Variants in FERMT3 observed in about 807,000 individuals in gnomAD.
FERMT3 encodes fermitin family homolog 3.
In FERMT3, 33 loss-of-function variants were observed where a neutral mutation model predicts 80.8. The ratio of observed to expected loss-of-function variants is 0.41; its 90% CI spans 0.31 to 0.55. The LOEUF (loss-of-function observed/expected upper bound fraction) is 0.55, where lower values mean the gene tolerates loss of function less well. Ranked by LOEUF, FERMT3 falls within the 20% of genes least tolerant of loss-of-function variation. The pLI is 0.31. For missense variants in FERMT3, 754 were observed against 908.7 expected (o/e 0.83, Z 2.19); for synonymous variants, 375 against 372.2 (o/e 1.01, Z -0.09).
In FERMT3 at chr11:64,211,116, A is replaced by G; in HGVS notation, c.459A>G (p.Lys153=). The change falls in exon 4 of 15, where the codon AAA becomes AAG. Residue 153 remains lysine (K), a synonymous_variant. Coordinates refer to ENST00000345728, the MANE Select transcript of FERMT3 (RefSeq NM_031471.6). This position sits in a 1 kb window ranked among gnomAD's most constrained non-coding sequence, Gnocchi z 4.7. The part of the protein sequence containing the change: ...RAPEKKEKKK[K]EKEPEEELYD... ...CTGAGAAGAAGGAGAAGAAGAAGAA[A>G]GAGAAGGAGCCAGAGGAAGAGCTCT... The G allele has an allele frequency of 6.4e-7, 1 of 1,560,586 alleles. No individual in the cohort carries two copies. Among genetic ancestry groups the G allele is most frequent in the Non-Finnish European group, 8.7e-7 (1 of 1,152,322 alleles).
At position 64,211,809 on chromosome 11, in the gene FERMT3, G is replaced by T. The variant is rs1293142629; in HGVS notation, c.786+62G>T. 6.0e-6 allele frequency: 9 copies of T among 1,492,000 alleles called. No homozygotes were observed. The East Asian group carries it at 2.0e-4, about 34-fold the overall frequency. 92.4% of individuals were successfully genotyped at this position (1,492,000 alleles called of 1,614,324 possible). ...ATGAGATGTGGAGACCTAGGGCCTGGGGTATGGGCTCTGGGATGTTAGTGA... is the reference window on the plus strand; with the variant it reads ...ATGAGATGTGGAGACCTAGGGCCTGTGGTATGGGCTCTGGGATGTTAGTGA... On this transcript the variant is annotated intron_variant, in intron 6 of 14. Transcript: ENST00000345728. The surrounding 1 kb of genome is among the most constrained non-coding windows in gnomAD (Gnocchi z 4.7).
In FERMT3 at chr11:64,223,471, C is replaced by T. The variant is rs768969062; in HGVS notation, c.1971C>T (p.Thr657=). 9 of 1,610,760 alleles carry T rather than the reference C, an allele frequency of 5.6e-6. No homozygotes were observed. The highest frequency in any genetic ancestry group is 4.0e-5 in the African/African-American group (3 of 74,934). Residue 657 remains threonine, a synonymous_variant, in exon 15 of 15, where the codon ACC becomes ACT. Transcript: ENST00000345728. ...ATGAAGACCTCTTCCTGCAGCTCAC[C>T]GGGGGCCATGAGGCCTTCTGAGGGC... ...ELDEDLFLQL[T]GGHEAF
At position 64,223,112 on chromosome 11, in the gene FERMT3, T is replaced by C; in HGVS notation, c.1735T>C (p.Leu579=). Residue 579 remains leucine (L), a synonymous_variant, in exon 14 of 15, where the codon TTG becomes CTG. Coordinates refer to ENST00000345728, the MANE Select transcript of FERMT3 (RefSeq NM_031471.6). ...IANNRLIRID[L]AVGDVVKTWR... is the part of the protein sequence containing the mutation. ...CAACAACCGACTGATCCGCATCGACTTGGCCGTGGGCGACGTGGTCAAGAC... is the reference window on the plus strand; with the variant it reads ...CAACAACCGACTGATCCGCATCGACCTGGCCGTGGGCGACGTGGTCAAGAC... The C allele has an allele frequency of 1.2e-6, 2 of 1,613,952 alleles. No homozygotes were observed. The highest frequency in any genetic ancestry group is 1.7e-6 in the Non-Finnish European group (2 of 1,180,048).
At position 64,210,130 on chromosome 11, in the gene FERMT3, C is replaced by A. The variant is rs568720401; in HGVS notation, c.161-481C>A. Among the ~76,000 whole-genome samples the A allele has an allele frequency of 1.1e-4, 17 of 152,340 alleles. No homozygotes were observed. The highest frequency in any genetic ancestry group is 1.2e-4 in the Non-Finnish European group (8 of 68,036). On this transcript the variant is annotated intron_variant, in intron 2 of 14. Transcript: ENST00000345728. This position sits in a 1 kb window ranked among gnomAD's most constrained non-coding sequence, Gnocchi z 4.3. ...GTTAAGTGGCTTGTCCAAGGTCACA[C>A]AGCTAATAGCTAAAAATATTGAGTG...
Position 64,210,390 on chromosome 11 carries a change from G to C in FERMT3, c.161-221G>C, listed in dbSNP as rs1028139668. On this transcript the variant is annotated intron_variant, in intron 2 of 14. Transcript: ENST00000345728. This position sits in a 1 kb window ranked among gnomAD's most constrained non-coding sequence, Gnocchi z 4.3. ...GGGTTGGAGAGCTCCCCTGGGAAGC[G>C]ATATAGAAGCCAAGCCTAGAAGGCC... 6.6e-6 allele frequency among the ~76,000 whole-genome samples: 1 copy of C among 152,202 alleles called. No individual in the cohort carries two copies. Among genetic ancestry groups the C allele is most frequent in the Non-Finnish European group, 1.5e-5 (1 of 68,018 alleles).
At position 64,220,275 on chromosome 11, in the gene FERMT3, C is replaced by T. The variant is rs779788201; in HGVS notation, c.1260C>T (p.Leu420=). Reference sequence around the variant, plus strand: ...CCGGCCAGAAGTTCTGCATTAAACTCCTAGTGCCCTCCCCTGAGGGCATGA... The same window carrying T: ...CCGGCCAGAAGTTCTGCATTAAACTTCTAGTGCCCTCCCCTGAGGGCATGA... ...NVSGQKFCIK[L]LVPSPEGMSE... The change falls in exon 11 of 15, where the codon CTC becomes CTT. Residue 420 remains leucine, a synonymous_variant. Transcript: ENST00000345728. 11 of 1,613,984 alleles carry T rather than the reference C, an allele frequency of 6.8e-6. No homozygotes were observed. The highest frequency in any genetic ancestry group is 9.3e-6 in the Non-Finnish European group (11 of 1,180,012).
At chr11:64,209,148 A>G (rs1326063589) in intron 2 of FERMT3, among the ~76,000 whole-genome samples, 4 of 152,106 alleles carry the variant, frequency 2.6e-5, no homozygotes, top group Non-Finnish European at 5.9e-5. Flanking sequence ...GAGGTGGTGT[A>G]GGGAGCTGGT....
In FERMT3 at chr11:64,223,573, CACACCCGCTCCAGGCAG is replaced by C; in HGVS notation, c.*82_*98del. 6.7e-7 allele frequency: 1 copy of C among 1,486,570 alleles called. No individual in the cohort carries two copies. The highest frequency in any genetic ancestry group is 9.1e-7 in the Non-Finnish European group (1 of 1,099,840). 92.1% of individuals were successfully genotyped at this position (1,486,570 alleles called of 1,614,324 possible). A position where few individuals can be genotyped will look rare whatever the true frequency, so the allele number is the denominator to read the frequency against. On this transcript the variant is annotated 3_prime_UTR_variant, in exon 15 of 15. Transcript: ENST00000345728. Reference sequence around the variant, plus strand: ...CCACACCCACAGGGGCTCACTGCCCCACACCCGCTCCAGGCAGGCACCCAGCTGGGCATTTCACCTGC... The same window carrying C: ...CCACACCCACAGGGGCTCACTGCCCCGCACCCAGCTGGGCATTTCACCTGC...
Position 64,219,826 on chromosome 11 carries a change from G to GGGTT in FERMT3, c.1079+41_1079+44dup. On this transcript the variant is annotated intron_variant, in intron 9 of 14. Transcript: ENST00000345728. The surrounding 1 kb of genome is among the most constrained non-coding windows in gnomAD (Gnocchi z 4.0). ...GCCAGAGTAGGCAGCCCTGCTGGAG[G>GGGTT]GGTTGGTCTGCATATGGAGGGAGGG... 1 of 1,613,988 alleles carries GGGTT rather than the reference G, an allele frequency of 6.2e-7. No homozygotes were observed. Among genetic ancestry groups the GGGTT allele is most frequent in the Non-Finnish European group, 8.5e-7 (1 of 1,180,024 alleles).
upstream of FERMT3, among the ~76,000 whole-genome samples, chr11:64,206,262 C>T (rs577875946): frequency 6.6e-6 from 1 of 152,308 alleles, no homozygotes; most frequent in South Asian, 2.1e-4. Flanking sequence ...ACTTGTTTCC[C>T]TCTGGGGCCT....
Position 64,210,037 on chromosome 11 carries a change from G to C in FERMT3, c.161-574G>C, listed in dbSNP as rs947518501. 6.6e-6 allele frequency among the ~76,000 whole-genome samples: 1 copy of C among 152,210 alleles called. No individual in the cohort carries two copies. Among genetic ancestry groups the C allele is most frequent in the African/African-American group, 2.4e-5 (1 of 41,446 alleles). ...CAAACCCTGCAGCTACCACATGGGA[G>C]GCCTTGTTCCGTGTCCCAGTTTGTA... On this transcript the variant is annotated intron_variant, in intron 2 of 14. Transcript: ENST00000345728. The surrounding 1 kb of genome is among the most constrained non-coding windows in gnomAD (Gnocchi z 4.3).
Position 64,210,026 on chromosome 11 carries a change from A to G in FERMT3, c.161-585A>G, listed in dbSNP as rs1946401609. ...CAAGTTTGCTGCAAACCCTGCAGCT[A>G]CCACATGGGAGGCCTTGTTCCGTGT... On this transcript the variant is annotated intron_variant, in intron 2 of 14. Coordinates refer to ENST00000345728, the MANE Select transcript of FERMT3 (RefSeq NM_031471.6). This position sits in a 1 kb window ranked among gnomAD's most constrained non-coding sequence, Gnocchi z 4.3. 6.6e-6 allele frequency among the ~76,000 whole-genome samples: 1 copy of G among 152,212 alleles called. No individual in the cohort carries two copies. The highest frequency in any genetic ancestry group is 2.4e-5 in the African/African-American group (1 of 41,458).
intron 2 of FERMT3, among the ~76,000 whole-genome samples, chr11:64,209,351 G>C (rs1171305572): frequency 6.6e-6 from 1 of 152,206 alleles, no homozygotes; most frequent in Non-Finnish European, 1.5e-5. Context: ...TTTCTGGCTG[G>C]GGGCCCAGGG....
In FERMT3 at chr11:64,223,432, T is replaced by C. The variant is rs893900622; in HGVS notation, c.1932T>C (p.Arg644=). The change falls in exon 15 of 15, where the codon CGT becomes CGC. Residue 644 remains arginine, a synonymous_variant. Coordinates refer to ENST00000345728, the MANE Select transcript of FERMT3 (RefSeq NM_031471.6). Reference sequence around the variant, plus strand: ...TCCTGTCGACGCGGGAGCGGGCCCGTGGGGAGGAGCTGGATGAAGACCTCT... The same window carrying C: ...TCCTGTCGACGCGGGAGCGGGCCCGCGGGGAGGAGCTGGATGAAGACCTCT... The part of the protein sequence containing the change: ...YIFLSTRERA[R]GEELDEDLFL... The C allele has an allele frequency of 5.6e-6, 9 of 1,613,090 alleles. No individual in the cohort carries two copies. Among genetic ancestry groups the C allele is most frequent in the South Asian group, 1.1e-5 (1 of 91,086 alleles).
In FERMT3 at chr11:64,211,148, T is replaced by G. The variant is rs1233329943; in HGVS notation, c.491T>G (p.Leu164Trp). 6.6e-7 allele frequency: 1 copy of G among 1,518,544 alleles called. No homozygotes were observed. Among genetic ancestry groups the G allele is most frequent in the African/African-American group, 1.5e-5 (1 of 64,758 alleles). The allele number at this position is 1,518,544 out of a possible 1,614,324, so 94.1% of individuals were successfully genotyped here. The change falls in exon 4 of 15, where the codon TTG (leucine) becomes TGG (tryptophan). Residue 164 changes from leucine to tryptophan, a missense_variant. Leu to Trp is a moderately conservative substitution (Grantham distance 61). Coordinates refer to ENST00000345728, the MANE Select transcript of FERMT3 (RefSeq NM_031471.6). The surrounding 1 kb of genome is among the most constrained non-coding windows in gnomAD (Gnocchi z 4.7). Reference sequence around the variant, plus strand: ...GAGCCAGAGGAAGAGCTCTATGACTTGAGCAAGGTTGTCTTGGCTGGGGGT... The same window carrying G: ...GAGCCAGAGGAAGAGCTCTATGACTGGAGCAAGGTTGTCTTGGCTGGGGGT... The part of the protein sequence containing the change: ...EKEPEEELYD[L>W]SKVVLAGGVA...
Position 64,219,363 on chromosome 11 carries a change from C to G in FERMT3, c.894+5C>G, listed in dbSNP as rs1206109610. 2 of 1,590,622 alleles carry G rather than the reference C, an allele frequency of 1.3e-6. No homozygotes were observed. The highest frequency in any genetic ancestry group is 3.6e-5 in the Admixed American group (2 of 56,304). ...ATGGTGTTTGCCGCCCTGCAGGTAC[C>G]AGGCGGGCCTGGGGGCACCAGGGCA... On this transcript the variant is annotated splice_donor_5th_base_variant and intron_variant, in intron 7 of 14. Transcript: ENST00000345728. This position sits in a 1 kb window ranked among gnomAD's most constrained non-coding sequence, Gnocchi z 4.0.
In FERMT3 at chr11:64,211,136, A is replaced by T. The variant is rs2134843975; in HGVS notation, c.479A>T (p.Glu160Val). Reference protein sequence around the residue: ...KKKKEKEPEEELYDLSKVVLA... With the variant: ...KKKKEKEPEEVLYDLSKVVLA... The stretch of plus-strand genomic sequence containing the variant: ...AAGAAAGAGAAGGAGCCAGAGGAAG[A>T]GCTCTATGACTTGAGCAAGGTTGTC... The change falls in exon 4 of 15, where the codon GAG (glutamate) becomes GTG (valine). Residue 160 changes from glutamate to valine, a missense_variant. Coordinates refer to ENST00000345728, the MANE Select transcript of FERMT3 (RefSeq NM_031471.6). The surrounding 1 kb of genome is among the most constrained non-coding windows in gnomAD (Gnocchi z 4.7). 1 of 1,523,204 alleles carries T rather than the reference A, an allele frequency of 6.6e-7. No individual in the cohort carries two copies. The highest frequency in any genetic ancestry group is 8.8e-7 in the Non-Finnish European group (1 of 1,136,420). The allele number at this position is 1,523,204 out of a possible 1,614,324, so 94.4% of individuals were successfully genotyped here.
intron 10 of FERMT3, 83 bp downstream of exon 10, chr11:64,220,098 C>G: frequency 6.3e-7 from 1 of 1,591,156 alleles, no homozygotes; most frequent in South Asian, 1.1e-5. Flanking sequence ...GCCCTGTTTC[C>G]TCCTGGAGAC....
chr11:64,220,462 T>C lies in FERMT3; in HGVS notation c.1338T>C (p.Ala446=). The C allele has an allele frequency of 6.2e-7, 1 of 1,610,426 alleles. No homozygotes were observed. Among genetic ancestry groups the C allele is most frequent in the Non-Finnish European group, 8.5e-7 (1 of 1,178,972 alleles). Residue 446 remains alanine (A), a synonymous_variant, in exon 12 of 15, where the codon GCT becomes GCC. Transcript: ENST00000345728. ...QDEQQYARWM[A]GCRLASKGRT... is the part of the protein sequence containing the mutation. ...AGCAGCAGTATGCCCGCTGGATGGC[T>C]GGCTGCCGCCTGGCCTCCAAAGGCC...
Sources: allele counts gnomAD v4.1 joint callset (sites outside exome capture counted in the v4.1 genomes callset), GRCh38; gene constraint gnomAD v4.1.1; non-coding constraint Gnocchi (gnomAD v3.1); transcripts MANE v1.5; gene names NCBI Gene and HGNC (gene_info 2026-07-23, HGNC 2026-07-21).